Variants in RNGTT observed in about 807,000 individuals in gnomAD.
RNGTT encodes mRNA-capping enzyme.
A neutral mutation model predicts 79.3 loss-of-function variants in RNGTT; 33 were observed. That is an observed-to-expected ratio of 0.42 (90% CI 0.32 to 0.56). The LOEUF (loss-of-function observed/expected upper bound fraction) is 0.56. RNGTT is among the 20% of genes least tolerant of loss of function. The probability of loss-of-function intolerance (pLI) is 0.17; values close to 1 mark genes in which losing one functional copy is unlikely to be tolerated. For synonymous variants in RNGTT, 222 were observed against 235.9 expected (o/e 0.94, Z 0.54); for missense variants, 497 against 739.1 (o/e 0.67, Z 3.80).
intron 12 of RNGTT, among the ~76,000 whole-genome samples, chr6:88,778,699 T>A (rs1426722512): frequency 6.6e-6 from 1 of 152,118 alleles, no homozygotes; most frequent in Non-Finnish European, 1.5e-5. Flanking sequence ...AAAATCATAA[T>A]CACAGGATTG....
chr6:88,913,227 C>CA (rs869096332), intron 4 of RNGTT, among the ~76,000 whole-genome samples: 644 of 110,214 alleles, frequency 5.8e-3, no homozygotes, highest in Non-Finnish European at 9.4e-3. Context: ...AAAAAAAAAA[C>CA]AAAAAAAAAA....
rs144435684 is a variant in RNGTT at position 88,658,019 on chromosome 6, A to G, written c.1506+20334T>C. ...GACATAAACTCTTGGGACCTCTATG[A>G]CCCCGCGATCACCTGAGAAACCCAA... is the stretch of plus-strand genomic sequence containing the variant. On this transcript the variant is annotated intron_variant, in intron 14 of 15. Coordinates refer to ENST00000369485, the MANE Select transcript of RNGTT (RefSeq NM_003800.5). Among the ~76,000 whole-genome samples, 643 of 152,042 alleles carry G rather than the reference A, an allele frequency of 4.2e-3. 5 individuals carry two copies. Among genetic ancestry groups the G allele is most frequent in the African/African-American group, 0.015 (622 of 41,462 alleles).
chr6:88,718,405 A>G (rs1469798393), intron 13 of RNGTT, among the ~76,000 whole-genome samples: 2 of 151,688 alleles, frequency 1.3e-5, no homozygotes, highest in African/African-American at 4.8e-5. Context: ...AAAAAAAGAA[A>G]GGAAAAAAAA....
At chr6:88,850,569 A>G (rs1313845633) in intron 9 of RNGTT, among the ~76,000 whole-genome samples, 2 of 151,790 alleles carry the variant, frequency 1.3e-5, no homozygotes, top group Admixed American at 1.3e-4. Context: ...CTAATTTTAT[A>G]ACAGAAATTC....
At position 88,736,773 on chromosome 6, in the gene RNGTT, G is replaced by C. The variant is rs546189432; in HGVS notation, c.1439+33001C>G. Among the ~76,000 whole-genome samples the C allele has an allele frequency of 1.2e-4, 19 of 152,318 alleles. No individual in the cohort carries two copies. The South Asian group carries it at 3.9e-3, about 32-fold the overall frequency. On this transcript the variant is annotated intron_variant, in intron 13 of 15. Transcript: ENST00000369485. ...TACACTGCCAGTGTGAACTGTAAAG[G>C]ACTGAATGAAGGAAGGCAGACTTCA... is the stretch of plus-strand genomic sequence containing the variant.
chr6:88,666,130 TGACATGGAA>T (rs1562181107), intron 14 of RNGTT, among the ~76,000 whole-genome samples: 1 of 151,612 alleles, frequency 6.6e-6, no homozygotes, highest in African/African-American at 2.4e-5. Context: ...CAAAGGGGGG[TGACATGGAA>T]CCATTTGAAT....
chr6:88,776,980 T>A (rs573595063), intron 12 of RNGTT, among the ~76,000 whole-genome samples: 52 of 152,334 alleles, frequency 3.4e-4, no homozygotes, highest in Middle Eastern at 6.8e-3. Flanking sequence ...GTTTTACAGT[T>A]TCAAGTGTTA....
At chr6:88,673,077 T>C (rs1774718109) in intron 14 of RNGTT, among the ~76,000 whole-genome samples, 1 of 152,224 alleles carries the variant, frequency 6.6e-6, no homozygotes, top group Non-Finnish European at 1.5e-5. Flanking sequence ...AGCTCGTTTT[T>C]AGAAATATAG....
chr6:88,847,550 T>A (rs914871731), intron 10 of RNGTT, among the ~76,000 whole-genome samples: 1 of 152,116 alleles, frequency 6.6e-6, no homozygotes, highest in African/African-American at 2.4e-5. Flanking sequence ...ATACGATACT[T>A]TCAATTATAA....
chr6:88,627,335 T>C (rs887140808), intron 14 of RNGTT, among the ~76,000 whole-genome samples: 6 of 152,172 alleles, frequency 3.9e-5, no homozygotes, highest in Non-Finnish European at 8.8e-5. Flanking sequence ...TTCATTAAGA[T>C]GTCAATGTAT....
chr6:88,655,598 T>C (rs995123939), intron 14 of RNGTT, among the ~76,000 whole-genome samples: 2 of 151,776 alleles, frequency 1.3e-5, no homozygotes, highest in African/African-American at 4.9e-5. Flanking sequence ...GACTGAAAAA[T>C]AACTGCCTTA....
intron 13 of RNGTT, among the ~76,000 whole-genome samples, chr6:88,763,256 T>G (rs1225154263): frequency 1.3e-5 from 2 of 152,092 alleles, no homozygotes; most frequent in African/African-American, 4.8e-5. Flanking sequence ...AGAGTTATTT[T>G]GTTTGCGTAT....
intron 11 of RNGTT, among the ~76,000 whole-genome samples, chr6:88,842,226 T>G (rs1419024963): frequency 6.6e-6 from 1 of 152,126 alleles, no homozygotes; most frequent in African/African-American, 2.4e-5. Context: ...ACACCATGTA[T>G]AGTTTATATA....
In RNGTT at chr6:88,807,822, AG is replaced by A. The variant is rs756312605; in HGVS notation, c.1270-6191del. On this transcript the variant is annotated intron_variant, in intron 11 of 15. Coordinates refer to ENST00000369485, the MANE Select transcript of RNGTT (RefSeq NM_003800.5). ...CCAGCAAGAAGGGGGAAAAGATTAC[AG>A]GCAGAGGAACAAAAATAAGATTGAC... 1.3e-3 allele frequency among the ~76,000 whole-genome samples: 205 copies of A among 152,312 alleles called. 1 individual carries two copies. The highest frequency in any genetic ancestry group is 2.0e-3 in the Non-Finnish European group (135 of 68,016).
At chr6:88,817,748 C>CTTTTTTTTTTT in intron 11 of RNGTT, among the ~76,000 whole-genome samples, 1 of 99,996 alleles carries the variant, frequency 1.0e-5, no homozygotes, top group Admixed American at 1.1e-4. Context: ...CTATTCACAT[C>CTTTTTTTTTTT]ATTTTTTTTT....
chr6:88,763,013 TC>T (rs1338850744), intron 13 of RNGTT, among the ~76,000 whole-genome samples: 1 of 138,314 alleles, frequency 7.2e-6, no homozygotes, highest in Non-Finnish European at 1.5e-5. Flanking sequence ...AGCCCCAACC[TC>T]CCCAGGCTCA....
intron 14 of RNGTT, among the ~76,000 whole-genome samples, chr6:88,669,840 A>G (rs1774561779): frequency 6.6e-6 from 1 of 152,180 alleles, no homozygotes; most frequent in South Asian, 2.1e-4. Flanking sequence ...AGCCATAGGC[A>G]ATTGGAAAGA....
chr6:88,893,914 C>T (rs1783137896), intron 6 of RNGTT, among the ~76,000 whole-genome samples: 1 of 152,106 alleles, frequency 6.6e-6, no homozygotes, highest in Admixed American at 6.5e-5. Context: ...TGACAAAATA[C>T]CATTTTTATA....
intron 1 of RNGTT, among the ~76,000 whole-genome samples, chr6:88,960,581 A>AAAAAG (rs766901373): frequency 3.3e-5 from 5 of 152,198 alleles, no homozygotes; most frequent in Non-Finnish European, 4.4e-5. Flanking sequence ...TAAAAATACA[A>AAAAAG]AAAAGAAAAG....
Sources: allele counts gnomAD v4.1 joint callset (sites outside exome capture counted in the v4.1 genomes callset), GRCh38; gene constraint gnomAD v4.1.1; transcripts MANE v1.5; gene names NCBI Gene and HGNC (gene_info 2026-07-23, HGNC 2026-07-21).